Variants in FOCAD observed in about 807,000 individuals in gnomAD.
FOCAD encodes the protein focadhesin, also known as KIAA1797.
In FOCAD, 198 loss-of-function variants were observed where a neutral mutation model predicts 225.6. The ratio of observed to expected loss-of-function variants is 0.88; its 90% CI spans 0.78 to 0.99. The LOEUF is 0.99. Among genes scored for constraint, FOCAD ranks in the 50% least tolerant of loss-of-function variants. FOCAD has a pLI of 0.00. For missense variants in FOCAD, 2,713 were observed against 2,123.6 expected, an observed-to-expected ratio of 1.28 and a Z score of -5.46; for synonymous variants, 897 against 755.0, an observed-to-expected ratio of 1.19 and a Z score of -3.08.
chr9:20,690,027 A>G (rs947237196), intron 1 of FOCAD, among the ~76,000 whole-genome samples: 1 of 152,182 alleles, frequency 6.6e-6, no homozygotes, highest in Non-Finnish European at 1.5e-5. Context: ...GCCAATTCTT[A>G]TCTATTGGTA....
intron 15 of FOCAD, among the ~76,000 whole-genome samples, chr9:20,842,220 C>T (rs1276118597): frequency 6.6e-6 from 1 of 151,582 alleles, no homozygotes; most frequent in Non-Finnish European, 1.5e-5. Context: ...ATGTGTATTT[C>T]TGCAGCTGTT....
chr9:20,868,076 C>G (rs1468457940), intron 18 of FOCAD, among the ~76,000 whole-genome samples: 2 of 151,974 alleles, frequency 1.3e-5, no homozygotes, highest in African/African-American at 2.4e-5. Context: ...AATGGGAAAA[C>G]TTAGGTAAAG....
intron 24 of FOCAD, among the ~76,000 whole-genome samples, chr9:20,918,138 C>G (rs1834026396): frequency 6.6e-6 from 1 of 152,184 alleles, no homozygotes; most frequent in African/African-American, 2.4e-5. Context: ...TGTCTTTGAC[C>G]TTTACCTGTA....
chr9:20,662,087 C>G (rs1394317503), intron 2 of FOCAD, among the ~76,000 whole-genome samples: 85 of 152,240 alleles, frequency 5.6e-4, no homozygotes, highest in Non-Finnish European at 5.9e-5. Context: ...CTGAAAATAT[C>G]TACAAGTAGT....
chr9:20,864,831 A>G (rs901026051), intron 16 of FOCAD, among the ~76,000 whole-genome samples: 5 of 152,092 alleles, frequency 3.3e-5, no homozygotes, highest in Admixed American at 3.3e-4. Context: ...GTACCTATTC[A>G]ATCCCCATCA....
chr9:20,940,043 A>T lies in FOCAD; in HGVS notation c.3408-4584A>T, dbSNP rs1836486656. ...TCAATTCCCACCTATGACTGAGAAC[A>T]TGCTGCGTTTGGTTTTCTATCCTTT... On this transcript the variant is annotated intron_variant, in intron 28 of 43. Coordinates refer to ENST00000338382, the MANE Select transcript of FOCAD (RefSeq NM_001375567.1). Among the ~76,000 whole-genome samples the T allele has an allele frequency of 2.0e-5, 3 of 152,222 alleles. No homozygotes were observed. The South Asian group carries it at 6.2e-4, about 32-fold the overall frequency.
Position 20,885,241 on chromosome 9 carries a change from G to A in FOCAD, c.2625+11G>A, listed in dbSNP as rs2383156. ...GCTCTTGTACATGAGGTAGGTTCCC[G>A]TGTCCTCTTCTTTATGTTTTAGTGT... On this transcript the variant is annotated intron_variant, in intron 21 of 43. Coordinates refer to ENST00000338382, the MANE Select transcript of FOCAD (RefSeq NM_001375567.1). 0.58 allele frequency: 852,872 copies of A among 1,467,584 alleles called. 248,967 individuals carry two copies. Among genetic ancestry groups the A allele is most frequent in the Admixed American group, 0.71 (30,680 of 43,072 alleles). 90.9% of individuals were successfully genotyped at this position (1,467,584 alleles called of 1,614,324 possible).
In FOCAD at chr9:20,840,213, G is replaced by C. The variant is rs562664601; in HGVS notation, c.1920+17098G>C. On this transcript the variant is annotated intron_variant, in intron 15 of 43. Coordinates refer to ENST00000338382, the MANE Select transcript of FOCAD (RefSeq NM_001375567.1). ...ATGTGAAGAATGTCTTTGTTATTTT[G>C]ATAGGGATTGCAATAAATTTATAGA... Among the ~76,000 whole-genome samples the C allele has an allele frequency of 8.6e-5, 13 of 152,038 alleles. No homozygotes were observed. The South Asian group carries it at 2.7e-3, about 32-fold the overall frequency.
Position 20,780,521 on chromosome 9 carries a change from C to G in FOCAD, c.995-1206C>G, listed in dbSNP as rs539117670. On this transcript the variant is annotated intron_variant, in intron 9 of 43. Transcript: ENST00000338382. ...ATAAACTGTACTGAACACTGCTAAG[C>G]CAATATATCATGTTGGAAAGTAAGG... 5.9e-5 allele frequency among the ~76,000 whole-genome samples: 9 copies of G among 152,116 alleles called. No individual in the cohort carries two copies. In the South Asian group the frequency reaches 1.9e-3, roughly 32 times the overall value.
intron 15 of FOCAD, among the ~76,000 whole-genome samples, chr9:20,829,002 G>A (rs1477328010): frequency 6.6e-6 from 1 of 152,108 alleles, no homozygotes; most frequent in African/African-American, 2.4e-5. Context: ...ATTCCATGGT[G>A]TATATGTACC....
intron 10 of FOCAD, among the ~76,000 whole-genome samples, chr9:20,784,720 A>G (rs994640887): frequency 1.3e-5 from 2 of 152,196 alleles, no homozygotes; most frequent in African/African-American, 4.8e-5. Context: ...AAGCTGTGCC[A>G]AGTAGATTTT....
At position 20,758,174 on chromosome 9, in the gene FOCAD, C is replaced by A; in HGVS notation, c.477C>A (p.Phe159Leu). Residue 159 changes from phenylalanine to leucine, a missense_variant, in exon 6 of 44, where the codon TTC (phenylalanine) becomes TTA (leucine). Coordinates refer to ENST00000338382, the MANE Select transcript of FOCAD (RefSeq NM_001375567.1). ...PVFLQQLTAF[F>L]QQCPERLEVS... ...TTTTGCAGCAGCTGACAGCGTTTTT[C>A]CAGCAGTGCCCTGAAAGGTAATGTA... The A allele has an allele frequency of 6.2e-7, 1 of 1,611,574 alleles. No homozygotes were observed. The highest frequency in any genetic ancestry group is 1.1e-5 in the South Asian group (1 of 90,868).
At chr9:20,931,280 A>G (rs1414929306) in intron 27 of FOCAD, among the ~76,000 whole-genome samples, 2 of 152,144 alleles carry the variant, frequency 1.3e-5, no homozygotes, top group South Asian at 2.1e-4. Flanking sequence ...CTCCTTCCTT[A>G]GCTGAGCACC....
intron 11 of FOCAD, among the ~76,000 whole-genome samples, chr9:20,801,205 A>G (rs1312589033): frequency 6.6e-6 from 1 of 152,140 alleles, no homozygotes; most frequent in Non-Finnish European, 1.5e-5. Flanking sequence ...GTTTTAATAT[A>G]TTCATCTAAG....
intron 21 of FOCAD, among the ~76,000 whole-genome samples, chr9:20,901,941 T>C (rs1383081704): frequency 7.2e-6 from 1 of 138,726 alleles, no homozygotes; most frequent in Non-Finnish European, 1.6e-5. Flanking sequence ...AACAACTCTG[T>C]GCCTATTTAA....
Position 20,977,654 on chromosome 9 carries a change from C to T in FOCAD, c.4262-685C>T, listed in dbSNP as rs187753333. Among the ~76,000 whole-genome samples the T allele has an allele frequency of 3.7e-3, 564 of 152,242 alleles. 4 individuals are homozygous for T. Among genetic ancestry groups the T allele is most frequent in the African/African-American group, 0.013 (542 of 41,540 alleles). On this transcript the variant is annotated intron_variant, in intron 36 of 43. Transcript: ENST00000338382. ...GCATACTTACATATGATATATAAAA[C>T]AACTTCTATACTGTAATTTATGTGT...
At chr9:20,867,520 G>A (rs1829394531) in intron 18 of FOCAD, among the ~76,000 whole-genome samples, 1 of 151,998 alleles carries the variant, frequency 6.6e-6, no homozygotes, top group Admixed American at 6.6e-5. Context: ...ATTCAGTTAG[G>A]AAAAGAGGAA....
At chr9:20,809,282 C>A (rs1028131505) in intron 11 of FOCAD, among the ~76,000 whole-genome samples, 4 of 152,150 alleles carry the variant, frequency 2.6e-5, no homozygotes, top group Admixed American at 2.6e-4. Flanking sequence ...GAACTTTCTG[C>A]TATCATGTGA....
intron 10 of FOCAD, chr9:20,786,886 T>C (rs1587158052): frequency 3.7e-6 from 1 of 271,876 alleles, no homozygotes; most frequent in East Asian, 1.0e-4. Context: ...ATAAACCTTT[T>C]ATTTTTAAAC....
Sources: allele counts gnomAD v4.1 joint callset (sites outside exome capture counted in the v4.1 genomes callset), GRCh38; gene constraint gnomAD v4.1.1; transcripts MANE v1.5; gene names NCBI Gene and HGNC (gene_info 2026-07-23, HGNC 2026-07-21).